Variants in MCTP2 observed in about 807,000 individuals in gnomAD.
MCTP2 encodes multiple C2 and transmembrane domain containing 2, also known as multiple C2 and transmembrane domain-containing protein 2.
MCTP2 carries 132 observed loss-of-function variants against 111.6 expected under a neutral mutation model. The ratio of observed to expected loss-of-function variants is 1.18; its 90% CI spans 1.03 to 1.37. The LOEUF (loss-of-function observed/expected upper bound fraction) is 1.37. Among genes scored for constraint, MCTP2 ranks in the 40% most tolerant of loss-of-function variants. The probability of loss-of-function intolerance (pLI) is 0.00; values close to 1 mark genes in which losing one functional copy is unlikely to be tolerated. For missense variants in MCTP2, 1,183 were observed against 1,067.9 expected (o/e 1.11, Z -1.50); for synonymous variants, 395 against 387.7 (o/e 1.02, Z -0.22).
At chr15:94,433,430 A>G (rs1216438693) in intron 17 of MCTP2, among the ~76,000 whole-genome samples, 1 of 152,170 alleles carries the variant, frequency 6.6e-6, no homozygotes, top group Non-Finnish European at 1.5e-5. Flanking sequence ...GGTGCCAGAG[A>G]AACCAAGCTT....
intron 2 of MCTP2, among the ~76,000 whole-genome samples, chr15:94,302,599 C>A (rs553664784): frequency 6.6e-6 from 1 of 152,342 alleles, no homozygotes; most frequent in African/African-American, 2.4e-5. Context: ...TCCAGATCCA[C>A]ACCCTACTGG....
intron 17 of MCTP2, among the ~76,000 whole-genome samples, chr15:94,439,480 T>C (rs2083656781): frequency 6.6e-6 from 1 of 152,172 alleles, no homozygotes; most frequent in Non-Finnish European, 1.5e-5. Context: ...AAAGGTGTTC[T>C]CACCTTATTT....
rs1311118584 is a variant in MCTP2 at position 94,401,908 on chromosome 15, A to C, written c.1974A>C (p.Ser658=). The C allele has an allele frequency of 6.2e-7, 1 of 1,606,064 alleles. No homozygotes were observed. The highest frequency in any genetic ancestry group is 1.3e-5 in the African/African-American group (1 of 74,672). ...DSRKLSKKIL[S]RDVDRVKRIT... is the part of the protein sequence containing the mutation. The stretch of plus-strand genomic sequence containing the variant: ...TCATTTTTTAAAATCAGATCTTATC[A>C]AGAGATGTGGACCGTGTGAAAAGAA... The change falls in exon 17 of 23, where the codon TCA becomes TCC. Residue 658 remains serine (S), a synonymous_variant. Transcript: ENST00000357742.
intron 20 of MCTP2, among the ~76,000 whole-genome samples, chr15:94,459,411 A>G (rs796837659): frequency 9.2e-5 from 14 of 152,324 alleles, no homozygotes; most frequent in African/African-American, 3.4e-4. Flanking sequence ...TTGCACAGCC[A>G]ATGACATTGC....
chr15:94,329,508 G>T (rs2077039431), intron 4 of MCTP2, among the ~76,000 whole-genome samples: 1 of 152,130 alleles, frequency 6.6e-6, no homozygotes, highest in African/African-American at 2.4e-5. Context: ...ATGTCACATG[G>T]TCAGAGCAGG....
chr15:94,465,015 G>A (rs1159945363), intron 20 of MCTP2, among the ~76,000 whole-genome samples: 1 of 151,866 alleles, frequency 6.6e-6, no homozygotes, highest in African/African-American at 2.4e-5. Flanking sequence ...TTTTTGTTTG[G>A]CTTGTTCTAT....
chr15:94,374,634 T>C (rs1307191581), intron 12 of MCTP2, among the ~76,000 whole-genome samples: 1 of 152,222 alleles, frequency 6.6e-6, no homozygotes, highest in Non-Finnish European at 1.5e-5. Flanking sequence ...TTTTATTCTC[T>C]AAAATAATTA....
At chr15:94,424,871 T>A (rs1027709728) in intron 17 of MCTP2, among the ~76,000 whole-genome samples, 1 of 152,134 alleles carries the variant, frequency 6.6e-6, no homozygotes, top group South Asian at 2.1e-4. Flanking sequence ...TTTGCCTAAT[T>A]TGCCTAATTT....
intron 1 of MCTP2, among the ~76,000 whole-genome samples, chr15:94,255,371 TAGAG>T (rs1481460548): frequency 6.6e-6 from 1 of 152,192 alleles, no homozygotes; most frequent in African/African-American, 2.4e-5. Flanking sequence ...GTATCAAATC[TAGAG>T]AGAGGGTTTT....
At chr15:94,419,690 T>G (rs538060391) in intron 17 of MCTP2, among the ~76,000 whole-genome samples, 1 of 152,262 alleles carries the variant, frequency 6.6e-6, no homozygotes, top group South Asian at 2.1e-4. Context: ...CTTCACCTCT[T>G]TTACATTATA....
intron 14 of MCTP2, among the ~76,000 whole-genome samples, chr15:94,392,097 C>G (rs948335754): frequency 6.6e-6 from 1 of 152,062 alleles, no homozygotes; most frequent in African/African-American, 2.4e-5. Flanking sequence ...TAAGGCCAGG[C>G]GCGGTGGCTC....
chr15:94,244,695 T>G (rs2071610262), intron 1 of MCTP2, among the ~76,000 whole-genome samples: 1 of 149,480 alleles, frequency 6.7e-6, no homozygotes, highest in Non-Finnish European at 1.5e-5. Context: ...TACGTATATG[T>G]ATACACATAC....
intron 1 of MCTP2, among the ~76,000 whole-genome samples, chr15:94,243,660 T>G (rs1186940901): frequency 1.3e-5 from 2 of 149,192 alleles, no homozygotes; most frequent in Non-Finnish European, 3.0e-5. Context: ...TATACACATA[T>G]GCGTATATAT....
intron 17 of MCTP2, among the ~76,000 whole-genome samples, chr15:94,409,794 T>A (rs1467205066): frequency 6.6e-6 from 1 of 151,796 alleles, no homozygotes; most frequent in Non-Finnish European, 1.5e-5. Flanking sequence ...GATATTGAAA[T>A]GCAGGAATGA....
intron 18 of MCTP2, among the ~76,000 whole-genome samples, chr15:94,441,346 T>C (rs1290404031): frequency 2.0e-5 from 3 of 152,240 alleles, no homozygotes; most frequent in African/African-American, 2.4e-5. Context: ...AGCTAATAAA[T>C]GAATGGCTTT....
chr15:94,478,728 G>A (rs553470005), intron 22 of MCTP2, among the ~76,000 whole-genome samples: 9 of 152,308 alleles, frequency 5.9e-5, no homozygotes, highest in African/African-American at 2.2e-4. Context: ...AGCGAAGGTA[G>A]AAACCCACGC....
At chr15:94,303,064 ATATATATATAGTT>A (rs1555448625) in intron 2 of MCTP2, among the ~76,000 whole-genome samples, 5 of 125,916 alleles carry the variant, frequency 4.0e-5, no homozygotes, top group South Asian at 2.6e-4. Context: ...CTAATGGAAT[ATATATATATAGTT>A]TATATATATA....
chr15:94,470,513 G>A (rs936877951), intron 21 of MCTP2, 71 bp downstream of exon 21: 29 of 1,059,814 alleles, frequency 2.7e-5, no homozygotes, highest in East Asian at 1.4e-4. Context: ...TTTAAAGTGC[G>A]ACTATTAATT....
At chr15:94,301,889 G>T (rs796493331) in intron 2 of MCTP2, among the ~76,000 whole-genome samples, 3 of 150,178 alleles carry the variant, frequency 2.0e-5, no homozygotes, top group African/African-American at 7.4e-5. Flanking sequence ...TCACCTGAGA[G>T]TTTGGGAATT....
Sources: gnomAD v4.1 joint callset for allele counts (sites outside exome capture counted in the v4.1 genomes callset) on GRCh38, gnomAD v4.1.1 for gene constraint, MANE v1.5 for transcripts, NCBI Gene and HGNC (gene_info 2026-07-23, HGNC 2026-07-21) for gene names.